EEF2K: variants seen among roughly 807,000 people sequenced by gnomAD.
EEF2K encodes eukaryotic elongation factor 2 kinase.
Under a neutral mutation model 93.8 loss-of-function variants are expected in EEF2K, and 70 were observed. The ratio of observed to expected loss-of-function variants is 0.75; its 90% CI spans 0.62 to 0.91. EEF2K has a LOEUF of 0.91. EEF2K is among the 40% of genes least tolerant of loss of function. The probability of loss-of-function intolerance (pLI) is 0.00; values close to 1 mark genes in which losing one functional copy is unlikely to be tolerated. For synonymous variants in EEF2K, 376 were observed against 380.8 expected, an observed-to-expected ratio of 0.99 and a Z score of 0.15; for missense variants, 935 against 972.9, an observed-to-expected ratio of 0.96 and a Z score of 0.52.
At chr16:22,244,080 G>T (rs1274319390) in intron 2 of EEF2K, among the ~76,000 whole-genome samples, 1 of 151,814 alleles carries the variant, frequency 6.6e-6, no homozygotes, top group African/African-American at 2.4e-5. Context: ...AATGCAAAAA[G>T]TAGCAGTGCG....
intron 2 of EEF2K, among the ~76,000 whole-genome samples, chr16:22,233,625 T>C (rs1194621614): frequency 2.0e-5 from 3 of 152,110 alleles, no homozygotes; most frequent in Non-Finnish European, 4.4e-5. Context: ...AGGCAGAGGC[T>C]GCAGTGAGAG....
chr16:22,263,537 A>G (rs8048614), intron 12 of EEF2K, among the ~76,000 whole-genome samples: 10,428 of 152,310 alleles, frequency 0.068, 1,205 homozygotes, highest in African/African-American at 0.24. Flanking sequence ...TTAACCCAGA[A>G]GACAGAGGTT....
intron 17 of EEF2K, among the ~76,000 whole-genome samples, chr16:22,282,669 A>G (rs2047706414): frequency 6.6e-6 from 1 of 152,232 alleles, no homozygotes; most frequent in South Asian, 2.1e-4. Flanking sequence ...GCATGGGATG[A>G]TACAGCACCA....
chr16:22,269,044 A>T (rs1227808530), intron 15 of EEF2K, among the ~76,000 whole-genome samples: 1 of 152,134 alleles, frequency 6.6e-6, no homozygotes, highest in African/African-American at 2.4e-5. Flanking sequence ...CATCATTATT[A>T]GTTACTTATA....
chr16:22,242,845 G>A lies in EEF2K; in HGVS notation c.247-1785G>A, dbSNP rs534239098. Among the ~76,000 whole-genome samples the A allele has an allele frequency of 3.3e-5, 5 of 152,124 alleles. No individual in the cohort carries two copies. In the South Asian group the frequency reaches 6.2e-4, roughly 19 times the overall value. On this transcript the variant is annotated intron_variant, in intron 2 of 17. Transcript: ENST00000263026. ...ATGCTATGTTATGTGTAAAGGCGGC[G>A]TATCCTTTGGGAGGCTGAGGTGGGA...
intron 2 of EEF2K, among the ~76,000 whole-genome samples, chr16:22,233,305 A>G (rs1356401060): frequency 6.6e-6 from 1 of 152,090 alleles, no homozygotes; most frequent in Non-Finnish European, 1.5e-5. Flanking sequence ...CTTCTCTGTC[A>G]TTTCTACATT....
chr16:22,247,059 A>G (rs2047300542), intron 3 of EEF2K, among the ~76,000 whole-genome samples: 1 of 148,726 alleles, frequency 6.7e-6, no homozygotes, highest in Admixed American at 6.7e-5. Context: ...AAAAAAAAAA[A>G]AAAAAAAAGA....
chr16:22,276,889 T>C (rs1009593056), intron 16 of EEF2K, among the ~76,000 whole-genome samples: 1 of 152,004 alleles, frequency 6.6e-6, no homozygotes, highest in African/African-American at 2.4e-5. Context: ...AAACCCCATC[T>C]CTACTAAAAA....
intron 16 of EEF2K, among the ~76,000 whole-genome samples, chr16:22,274,966 T>A (rs1257167277): frequency 6.6e-6 from 1 of 152,224 alleles, no homozygotes. Context: ...TAAAGGGGCT[T>A]GCCCATGGTC....
chr16:22,272,548 G>A (rs766306706), intron 15 of EEF2K, among the ~76,000 whole-genome samples: 2 of 152,212 alleles, frequency 1.3e-5, no homozygotes, highest in Non-Finnish European at 2.9e-5. Flanking sequence ...GAGAGTAGGG[G>A]TAGAGGGAGA....
Position 22,284,635 on chromosome 16 carries a change from T to C in EEF2K, c.*639T>C, listed in dbSNP as rs1307823038. 7.0e-6 allele frequency: 1 copy of C among 142,008 alleles called. No homozygotes were observed. The highest frequency in any genetic ancestry group is 1.5e-5 in the Non-Finnish European group (1 of 66,216). 8.8% of individuals were successfully genotyped at this position (142,008 alleles called of 1,614,324 possible). A position where few individuals can be genotyped will look rare whatever the true frequency, so the allele number is the denominator to read the frequency against. ...CTTTTTTTTTTTTTGTCACGAGATA[T>C]AAGAAAGTGCTTTTTGCCTTGAATG... is the stretch of plus-strand genomic sequence containing the variant. On this transcript the variant is annotated 3_prime_UTR_variant, in exon 18 of 18. Transcript: ENST00000263026.
intron 1 of EEF2K, among the ~76,000 whole-genome samples, chr16:22,210,741 G>T (rs1313091137): frequency 6.6e-6 from 1 of 152,196 alleles, no homozygotes; most frequent in Non-Finnish European, 1.5e-5. Flanking sequence ...TCTAAGCTGA[G>T]ACCTGAGGGA....
intron 12 of EEF2K, among the ~76,000 whole-genome samples, chr16:22,263,914 A>T (rs1247018520): frequency 1.3e-5 from 2 of 152,316 alleles, no homozygotes; most frequent in East Asian, 3.9e-4. Context: ...TGCCATTTAG[A>T]GGTCTTACCC....
intron 2 of EEF2K, among the ~76,000 whole-genome samples, chr16:22,235,943 A>G (rs2047163407): frequency 6.6e-6 from 1 of 151,508 alleles, no homozygotes; most frequent in South Asian, 2.1e-4. Context: ...GACTAAAGGC[A>G]TGCGCCATCA....
chr16:22,251,416 CTTTTTTTTT>C, intron 6 of EEF2K, 94 bp downstream of exon 6: 1 of 1,130,090 alleles, frequency 8.8e-7, no homozygotes, highest in Non-Finnish European at 1.2e-6. Flanking sequence ...ATTTCACCTT[CTTTTTTTTT>C]TTTTTTGAGA....
At position 22,208,538 on chromosome 16, in the gene EEF2K, A is replaced by T. The variant is rs1050314197; in HGVS notation, c.-77+1859A>T. Among the ~76,000 whole-genome samples the T allele has an allele frequency of 3.3e-5, 5 of 152,124 alleles. No individual in the cohort carries two copies. The East Asian group carries it at 5.8e-4, about 18-fold the overall frequency. On this transcript the variant is annotated intron_variant, in intron 1 of 17. Transcript: ENST00000263026. ...AAGCGAGACTCTGTCTCAAAAAATA[A>T]AAAAGATCCACCAATTTGTTTTTCT...
At chr16:22,266,659 C>T (rs1186939054) in intron 14 of EEF2K, 29 bp from the exon 15 acceptor site, 34 of 1,589,186 alleles carry the variant, frequency 2.1e-5, no homozygotes, top group Non-Finnish European at 2.7e-5. Context: ...CGCCAGACAG[C>T]CAGGCCGACA....
intron 3 of EEF2K, among the ~76,000 whole-genome samples, chr16:22,247,542 C>T (rs1386408112): frequency 1.3e-5 from 2 of 152,040 alleles, no homozygotes; most frequent in Admixed American, 1.3e-4. Flanking sequence ...CAAAGGGGTC[C>T]TACTCCATAC....
At chr16:22,279,236 C>CT (rs143168233) in intron 16 of EEF2K, among the ~76,000 whole-genome samples, 3,651 of 135,228 alleles carry the variant, frequency 0.027, 118 homozygotes, top group African/African-American at 0.072. Context: ...CTTGACTCCT[C>CT]TTTTTTTTTT....
Sources: gnomAD v4.1 joint callset for allele counts (sites outside exome capture counted in the v4.1 genomes callset) on GRCh38, gnomAD v4.1.1 for gene constraint, MANE v1.5 for transcripts, NCBI Gene and HGNC (gene_info 2026-07-23, HGNC 2026-07-21) for gene names.